The following PDE8A variants were observed in gnomAD, a reference collection of about 807,000 sequenced individuals.
The protein encoded by PDE8A is phosphodiesterase 8A, also known as high affinity cAMP-specific and IBMX-insensitive 3',5'-cyclic phosphodiesterase 8A.
PDE8A carries 59 observed loss-of-function variants against 105.0 expected under a neutral mutation model. The observed-to-expected ratio is 0.56, with a 90% confidence interval of 0.46 to 0.70. The LOEUF is 0.70. Among genes scored for constraint, PDE8A ranks in the 30% least tolerant of loss-of-function variants. The pLI is 0.00. For synonymous variants in PDE8A, 355 were observed against 371.9 expected, an observed-to-expected ratio of 0.95 and a Z score of 0.52; for missense variants, 1,014 against 1,045.9, an observed-to-expected ratio of 0.97 and a Z score of 0.42.
At chr15:84,986,722 C>G (rs927146632) in intron 1 of PDE8A, among the ~76,000 whole-genome samples, 1 of 152,056 alleles carries the variant, frequency 6.6e-6, no homozygotes, top group Non-Finnish European at 1.5e-5. Flanking sequence ...AGTGATCCCC[C>G]CACCTCAGCC....
intron 8 of PDE8A, among the ~76,000 whole-genome samples, chr15:85,091,632 G>A (rs1352586306): frequency 6.6e-6 from 1 of 152,158 alleles, no homozygotes; most frequent in African/African-American, 2.4e-5. Flanking sequence ...TTCTGGTATG[G>A]AAAGAAGAGC....
intron 1 of PDE8A, among the ~76,000 whole-genome samples, chr15:85,052,473 C>G (rs1042038338): frequency 6.6e-6 from 1 of 152,230 alleles, no homozygotes; most frequent in Non-Finnish European, 1.5e-5. Context: ...TCCACATCCT[C>G]TCCAGCGCCT....
intron 1 of PDE8A, among the ~76,000 whole-genome samples, chr15:85,015,862 C>T (rs976471407): frequency 5.3e-5 from 8 of 152,140 alleles, no homozygotes; most frequent in African/African-American, 1.9e-4. Flanking sequence ...GTCGGCTGGG[C>T]GTGGCGGCTC....
At chr15:85,052,867 C>T (rs2080998932) in intron 1 of PDE8A, among the ~76,000 whole-genome samples, 2 of 152,292 alleles carry the variant, frequency 1.3e-5, no homozygotes, top group Admixed American at 6.5e-5. Flanking sequence ...GTTGCCATTG[C>T]TTTTGGTATT....
chr15:85,086,964 A>G (rs1248048513), intron 6 of PDE8A, among the ~76,000 whole-genome samples: 3 of 150,332 alleles, frequency 2.0e-5, no homozygotes, highest in Admixed American at 2.0e-4. Flanking sequence ...GGGTTTCACC[A>G]TTTTGGTCAG....
intron 1 of PDE8A, among the ~76,000 whole-genome samples, chr15:84,990,375 G>A (rs2079868167): frequency 6.6e-6 from 1 of 151,900 alleles, no homozygotes; most frequent in African/African-American, 2.4e-5. Context: ...AAGTTCTATT[G>A]TGCTCCCTTT....
At chr15:85,100,980 CACTT>C (rs2141565847) in intron 11 of PDE8A, among the ~76,000 whole-genome samples, 1 of 152,334 alleles carries the variant, frequency 6.6e-6, no homozygotes, top group Admixed American at 6.5e-5. Context: ...ATTCTAGAAA[CACTT>C]ACTACATATT....
chr15:85,054,496 T>C (rs1221837635), intron 1 of PDE8A, among the ~76,000 whole-genome samples: 1 of 152,184 alleles, frequency 6.6e-6, no homozygotes, highest in Admixed American at 6.5e-5. Flanking sequence ...CTTCAGAGCC[T>C]GTTATTGGTC....
intron 1 of PDE8A, among the ~76,000 whole-genome samples, chr15:85,010,296 C>A (rs571104484): frequency 3.3e-5 from 5 of 152,294 alleles, no homozygotes; most frequent in African/African-American, 9.6e-5. Context: ...AAAAAACTTT[C>A]AGTGTTTATT....
chr15:85,014,657 T>G (rs1025555216), intron 1 of PDE8A, among the ~76,000 whole-genome samples: 1 of 152,200 alleles, frequency 6.6e-6, no homozygotes, highest in Admixed American at 6.5e-5. Flanking sequence ...TTATACCCCT[T>G]TTAGAGAAAT....
intron 20 of PDE8A, among the ~76,000 whole-genome samples, chr15:85,127,176 C>T (rs190488691): frequency 7.9e-5 from 12 of 152,120 alleles, no homozygotes; most frequent in South Asian, 4.2e-4. Flanking sequence ...CCAACCTGAG[C>T]GACAAAGTGA....
chr15:85,026,479 C>T (rs991419331), intron 1 of PDE8A, among the ~76,000 whole-genome samples: 8 of 152,078 alleles, frequency 5.3e-5, no homozygotes, highest in Non-Finnish European at 1.0e-4. Context: ...GCCAGTGTTC[C>T]AAAAGAACAA....
At chr15:84,981,650 C>A (rs539277561), upstream of PDE8A, among the ~76,000 whole-genome samples, 1 of 151,984 alleles carries the variant, frequency 6.6e-6, no homozygotes, top group Admixed American at 6.5e-5. Flanking sequence ...GCGGGCGGAG[C>A]GGCGTGGGTG....
chr15:85,039,570 G>C (rs904819803), intron 1 of PDE8A, among the ~76,000 whole-genome samples: 4 of 152,032 alleles, frequency 2.6e-5, no homozygotes, highest in Admixed American at 6.5e-5. Flanking sequence ...ACTAAAAATA[G>C]ACTTAGCATG....
intron 2 of PDE8A, among the ~76,000 whole-genome samples, chr15:85,066,583 AAC>A (rs57124766): frequency 0.029 from 3,386 of 116,648 alleles, 64 homozygotes; most frequent in East Asian, 0.039. Flanking sequence ...ATCCCCCCAA[AAC>A]ACACACACAC....
At chr15:84,983,022 G>A (rs564458730) in intron 1 of PDE8A, among the ~76,000 whole-genome samples, 46 of 152,318 alleles carry the variant, frequency 3.0e-4, no homozygotes, top group African/African-American at 1.1e-3. Flanking sequence ...CCGACTTACT[G>A]GGACATTTTG....
chr15:85,094,109 T>A (rs540016507), intron 8 of PDE8A, among the ~76,000 whole-genome samples: 1 of 152,214 alleles, frequency 6.6e-6, no homozygotes, highest in South Asian at 2.1e-4. Context: ...GCAGTCCTAC[T>A]CCCTCAGCTT....
intron 1 of PDE8A, among the ~76,000 whole-genome samples, chr15:85,034,697 G>T (rs537547052): frequency 4.6e-5 from 7 of 152,274 alleles, no homozygotes; most frequent in African/African-American, 1.4e-4. Flanking sequence ...TGCAGGAGAA[G>T]AAAATATTTT....
In PDE8A at chr15:85,116,133, G is replaced by A; in HGVS notation, c.1535+14G>A. On this transcript the variant is annotated intron_variant, in intron 16 of 21. Transcript: ENST00000394553. ...CACCCACAATAGGTGAGTTCATGCAGAGCTCAGCAGCGGGAGAACTAGATT... is the reference window on the plus strand; with the variant it reads ...CACCCACAATAGGTGAGTTCATGCAAAGCTCAGCAGCGGGAGAACTAGATT... 1 of 1,613,672 alleles carries A rather than the reference G, an allele frequency of 6.2e-7. No homozygotes were observed. Among genetic ancestry groups the A allele is most frequent in the Non-Finnish European group, 8.5e-7 (1 of 1,179,704 alleles).
Sources: gnomAD v4.1 joint callset for allele counts (sites outside exome capture counted in the v4.1 genomes callset) on GRCh38, gnomAD v4.1.1 for gene constraint, MANE v1.5 for transcripts, NCBI Gene and HGNC (gene_info 2026-07-23, HGNC 2026-07-21) for gene names.